The following PCCA variants were observed in gnomAD, a reference collection of about 807,000 sequenced individuals.
PCCA encodes the protein propionyl-CoA carboxylase alpha chain, mitochondrial.
PCCA carries 74 observed loss-of-function variants against 101.3 expected under a neutral mutation model. The ratio of observed to expected loss-of-function variants is 0.73; its 90% CI spans 0.61 to 0.89. The LOEUF is 0.89. Among genes scored for constraint, PCCA ranks in the 40% least tolerant of loss-of-function variants. The probability of loss-of-function intolerance (pLI) is 0.00; values close to 1 mark genes in which losing one functional copy is unlikely to be tolerated. For synonymous variants in PCCA, 294 were observed against 313.6 expected, an observed-to-expected ratio of 0.94 and a Z score of 0.66; for missense variants, 891 against 907.0, an observed-to-expected ratio of 0.98 and a Z score of 0.23.
At chr13:100,408,931 G>A (rs2077851388) in intron 19 of PCCA, among the ~76,000 whole-genome samples, 1 of 152,346 alleles carries the variant, frequency 6.6e-6, no homozygotes, top group South Asian at 2.1e-4. Context: ...TTATTCTCAT[G>A]CAAGTGGTTC....
intron 2 of PCCA, among the ~76,000 whole-genome samples, 197 bp downstream of exon 2, chr13:100,103,157 T>G (rs1221959213): frequency 6.6e-6 from 1 of 152,198 alleles, no homozygotes; most frequent in Non-Finnish European, 1.5e-5. Context: ...AGTCTGAATC[T>G]TTTTAATTTT....
At chr13:100,421,111 ACAGG>A (rs1450434267) in intron 19 of PCCA, among the ~76,000 whole-genome samples, 1 of 152,072 alleles carries the variant, frequency 6.6e-6, no homozygotes, top group Non-Finnish European at 1.5e-5. Context: ...GGAGGCTGAG[ACAGG>A]AGAATCGCTT....
chr13:100,330,434 A>G, intron 16 of PCCA, 127 bp from the exon 17 acceptor site: 1 of 663,326 alleles, frequency 1.5e-6, no homozygotes, highest in Non-Finnish European at 2.7e-6. Context: ...ATAGAATTCA[A>G]GGAAATAAGT....
At chr13:100,136,487 T>C (rs1193356590) in intron 4 of PCCA, among the ~76,000 whole-genome samples, 1 of 152,126 alleles carries the variant, frequency 6.6e-6, no homozygotes, top group Non-Finnish European at 1.5e-5. Flanking sequence ...GCCCGGCCTA[T>C]AAAATTGTTC....
At chr13:100,280,910 C>T (rs1436651200) in intron 12 of PCCA, among the ~76,000 whole-genome samples, 2 of 152,058 alleles carry the variant, frequency 1.3e-5, no homozygotes, top group African/African-American at 4.8e-5. Flanking sequence ...CACTTAGAAG[C>T]TACCTCACTG....
chr13:100,106,176 T>C (rs2047778549), intron 2 of PCCA, among the ~76,000 whole-genome samples: 1 of 152,162 alleles, frequency 6.6e-6, no homozygotes, highest in Admixed American at 6.5e-5. Context: ...TTGCAGTCTT[T>C]TGGAGCCTTA....
At chr13:100,401,494 G>C (rs1330636044) in intron 19 of PCCA, among the ~76,000 whole-genome samples, 2 of 152,040 alleles carry the variant, frequency 1.3e-5, no homozygotes, top group East Asian at 1.9e-4. Context: ...CACCCACCTT[G>C]GCCTCCCAAA....
chr13:100,471,750 C>T (rs2083031378), intron 21 of PCCA, among the ~76,000 whole-genome samples: 1 of 152,186 alleles, frequency 6.6e-6, no homozygotes, highest in African/African-American at 2.4e-5. Flanking sequence ...TAAGTACATG[C>T]TGTGTGTGTG....
At chr13:100,430,249 A>C (rs2079447642) in intron 20 of PCCA, among the ~76,000 whole-genome samples, 1 of 152,102 alleles carries the variant, frequency 6.6e-6, no homozygotes. Context: ...CTGGGCAACA[A>C]GAGTGAAACT....
At chr13:100,430,232 C>G (rs2079446128) in intron 20 of PCCA, among the ~76,000 whole-genome samples, 2 of 152,100 alleles carry the variant, frequency 1.3e-5, no homozygotes, top group African/African-American at 2.4e-5. Flanking sequence ...CGCCATTGCA[C>G]TCCAGCCTGG....
intron 18 of PCCA, among the ~76,000 whole-genome samples, chr13:100,354,541 A>G (rs916169174): frequency 1.9e-4 from 29 of 152,182 alleles, no homozygotes; most frequent in African/African-American, 7.0e-4. Context: ...ACTAGAAAGC[A>G]ATAGAGGAAA....
At chr13:100,470,531 G>A (rs1163856585) in intron 21 of PCCA, among the ~76,000 whole-genome samples, 1 of 152,068 alleles carries the variant, frequency 6.6e-6, no homozygotes, top group East Asian at 1.9e-4. Context: ...TAAGACTCTG[G>A]CAGCAGTCGA....
chr13:100,298,650 C>T (rs867922683), intron 12 of PCCA, among the ~76,000 whole-genome samples: 25 of 1,100 alleles, frequency 0.023, 7 homozygotes, highest in Non-Finnish European at 0.05. Context: ...CTCCCTCCCT[C>T]CCTCCCTCCC....
chr13:100,089,676 G>T (rs1157010185), intron 1 of PCCA, among the ~76,000 whole-genome samples: 1 of 152,214 alleles, frequency 6.6e-6, no homozygotes, highest in Non-Finnish European at 1.5e-5. Context: ...TAGTGTTAGG[G>T]TTGTGAGTTT....
intron 7 of PCCA, among the ~76,000 whole-genome samples, chr13:100,225,312 C>T (rs2060087173): frequency 6.6e-6 from 1 of 152,082 alleles, no homozygotes; most frequent in Admixed American, 6.5e-5. Context: ...GGTTGTAATA[C>T]CTATTAACAC....
chr13:100,462,283 T>C (rs1281747751), intron 21 of PCCA, among the ~76,000 whole-genome samples: 2 of 152,204 alleles, frequency 1.3e-5, no homozygotes, highest in Non-Finnish European at 2.9e-5. Flanking sequence ...CTTTTGAAAT[T>C]GGCATGCTCT....
intron 21 of PCCA, among the ~76,000 whole-genome samples, chr13:100,457,508 C>T (rs1360619852): frequency 2.6e-5 from 4 of 152,144 alleles, no homozygotes; most frequent in African/African-American, 7.2e-5. Context: ...GTCTTTGTAC[C>T]ATTTCCCTGA....
intron 19 of PCCA, among the ~76,000 whole-genome samples, chr13:100,376,176 AG>A (rs1254837614): frequency 1.3e-5 from 2 of 152,330 alleles, no homozygotes; most frequent in African/African-American, 4.8e-5. Flanking sequence ...TCACTAGCAG[AG>A]GCTGCAGAAC....
rs1643066389 is a variant in PCCA at position 100,445,399 on chromosome 13, AT to A, written c.1846-3852del. 2.6e-4 allele frequency among the ~76,000 whole-genome samples: 14 copies of A among 53,940 alleles called. No individual in the cohort carries two copies. In the South Asian group the frequency reaches 4.6e-3, roughly 18 times the overall value. 35.4% of individuals were successfully genotyped at this position (53,940 alleles called of 152,430 possible). A position where few individuals can be genotyped will look rare whatever the true frequency, so the allele number is the denominator to read the frequency against. ...ATGGCTACATTGAGCTAATTAACAT[AT>A]ATGTATTACCTCATATACTTATTCT... On this transcript the variant is annotated intron_variant, in intron 20 of 23. Coordinates refer to ENST00000376285, the MANE Select transcript of PCCA (RefSeq NM_000282.4).
Sources: gnomAD v4.1 joint callset for allele counts (sites outside exome capture counted in the v4.1 genomes callset) on GRCh38, gnomAD v4.1.1 for gene constraint, MANE v1.5 for transcripts, NCBI Gene and HGNC (gene_info 2026-07-23, HGNC 2026-07-21) for gene names.